The following RANBP2 variants were observed in gnomAD, a reference collection of about 807,000 sequenced individuals.
RANBP2 encodes E3 SUMO-protein ligase RanBP2.
A neutral mutation model predicts 303.6 loss-of-function variants in RANBP2; 57 were observed. The observed-to-expected ratio is 0.19, with a 90% confidence interval of 0.15 to 0.23. The LOEUF is 0.23. Among genes scored for constraint, RANBP2 ranks in the 10% least tolerant of loss-of-function variants. RANBP2 has a pLI of 1.00. For synonymous variants in RANBP2, 1,167 were observed against 1,301.5 expected (o/e 0.90, Z 2.23); for missense variants, 3,138 against 3,780.8 (o/e 0.83, Z 4.46).
Position 108,753,560 on chromosome 2 carries a change from A to G in RANBP2, c.2052A>G (p.Ala684=), listed in dbSNP as rs1201004917. 1.2e-6 allele frequency: 2 copies of G among 1,611,446 alleles called. No individual in the cohort carries two copies. Among genetic ancestry groups the G allele is most frequent in the Non-Finnish European group, 1.7e-6 (2 of 1,179,694 alleles). ...IKSVVSYWNL[A]LIFHRKAEDI... The stretch of plus-strand genomic sequence containing the variant: ...GTGTTGTTTCTTATTGGAATCTTGC[A>G]CTGGTAAGTAGATGCAGTACTTGAG... Residue 684 remains alanine, a synonymous_variant, in exon 14 of 29, where the codon GCA becomes GCG. Transcript: ENST00000283195.
chr2:109,120,991 A>T, the RANBP2 span, among the ~76,000 whole-genome samples: 1 of 152,200 alleles, frequency 6.6e-6, no homozygotes, highest in Admixed American at 6.5e-5. Flanking sequence ...TCACGCCTGT[A>T]ATCCTAGCAC....
At chr2:109,712,939 G>A in the RANBP2 span, among the ~76,000 whole-genome samples, 15 of 152,190 alleles carry the variant, frequency 9.9e-5, no homozygotes, top group Admixed American at 9.2e-4. Flanking sequence ...GCTCTGCTTC[G>A]CTCCCCTGCA....
the RANBP2 span, among the ~76,000 whole-genome samples, chr2:109,023,823 A>C: frequency 3.3e-5 from 5 of 152,218 alleles, no homozygotes; most frequent in East Asian, 9.6e-4. Context: ...CAAACAAACA[A>C]AAACAAACAA....
chr2:109,501,684 C>T, the RANBP2 span: 6 of 750,392 alleles, frequency 8.0e-6, no homozygotes, highest in Non-Finnish European at 1.5e-5. Context: ...ACTGGTGCTC[C>T]CTGCACCCAG....
the RANBP2 span, among the ~76,000 whole-genome samples, chr2:109,117,186 T>A: frequency 6.6e-6 from 1 of 152,218 alleles, no homozygotes; most frequent in Non-Finnish European, 1.5e-5. Flanking sequence ...GACATTTAAG[T>A]CTGCAGAGGT....
the RANBP2 span, among the ~76,000 whole-genome samples, chr2:109,688,968 A>T: frequency 6.8e-6 from 1 of 147,582 alleles, no homozygotes; most frequent in Non-Finnish European, 1.5e-5. Context: ...GTGCAATGGC[A>T]TGATCTCGGC....
chr2:109,414,147 G>C, the RANBP2 span, among the ~76,000 whole-genome samples: 2 of 152,204 alleles, frequency 1.3e-5, no homozygotes, highest in African/African-American at 4.8e-5. Context: ...CCCGCAGATG[G>C]GGCCAGGGCA....
chr2:109,125,222 T>C, the RANBP2 span, among the ~76,000 whole-genome samples: 3 of 152,074 alleles, frequency 2.0e-5, no homozygotes, highest in Non-Finnish European at 4.4e-5. Flanking sequence ...CCCACGTCCC[T>C]CCACCTCCCA....
the RANBP2 span, among the ~76,000 whole-genome samples, chr2:108,997,267 C>G: frequency 6.6e-6 from 1 of 151,690 alleles, no homozygotes; most frequent in African/African-American, 2.4e-5. Context: ...CGGTGAAACC[C>G]CGTCTCTACT....
At chr2:109,554,899 T>G in the RANBP2 span, among the ~76,000 whole-genome samples, 2 of 152,212 alleles carry the variant, frequency 1.3e-5, no homozygotes, top group Non-Finnish European at 2.9e-5. Context: ...TTGGAAATCC[T>G]GAGTCATCTT....
chr2:108,778,316 T>C (rs1171924858), intron 25 of RANBP2, among the ~76,000 whole-genome samples: 1 of 152,224 alleles, frequency 6.6e-6, no homozygotes, highest in East Asian at 1.9e-4. Context: ...TTCACCAAGC[T>C]CTTGTGTATT....
the RANBP2 span, among the ~76,000 whole-genome samples, chr2:109,540,496 C>G: frequency 6.6e-6 from 1 of 152,054 alleles, no homozygotes; most frequent in Non-Finnish European, 1.5e-5. Flanking sequence ...CTCTTCATCT[C>G]TAGCAATGCT....
the RANBP2 span, among the ~76,000 whole-genome samples, chr2:109,433,974 G>A: frequency 3.9e-5 from 6 of 152,230 alleles, no homozygotes; most frequent in African/African-American, 1.4e-4. Flanking sequence ...GTGGTGTGGG[G>A]TGACTTGCCC....
chr2:109,689,376 C>T, the RANBP2 span, among the ~76,000 whole-genome samples: 1 of 152,074 alleles, frequency 6.6e-6, no homozygotes, highest in Admixed American at 6.6e-5. Context: ...ATGTGACATT[C>T]CATAGGCCTC....
chr2:108,719,713 C>A, intron 1 of RANBP2, 35 bp downstream of exon 1: 1 of 1,566,894 alleles, frequency 6.4e-7, no homozygotes, highest in South Asian at 1.2e-5. Flanking sequence ...CGGCCTCGAC[C>A]TGGCCGGGCG....
chr2:109,187,451 G>A, the RANBP2 span, among the ~76,000 whole-genome samples: 2 of 152,044 alleles, frequency 1.3e-5, no homozygotes, highest in African/African-American at 2.4e-5. Context: ...GCATGAAGAC[G>A]TTGCTGTTGT....
At chr2:109,161,720 T>C in the RANBP2 span, among the ~76,000 whole-genome samples, 2 of 151,824 alleles carry the variant, frequency 1.3e-5, no homozygotes, top group Non-Finnish European at 2.9e-5. Context: ...GAGCAGGACA[T>C]GCCAGGCTTT....
At chr2:109,451,537 C>T in the RANBP2 span, among the ~76,000 whole-genome samples, 7 of 151,882 alleles carry the variant, frequency 4.6e-5, no homozygotes, top group Admixed American at 2.6e-4. Flanking sequence ...TATGACATTA[C>T]GTCCTGTACG....
At chr2:109,452,484 A>G in the RANBP2 span, among the ~76,000 whole-genome samples, 36 of 152,342 alleles carry the variant, frequency 2.4e-4, no homozygotes, top group Middle Eastern at 3.4e-3. Context: ...AGTGCAGCGC[A>G]GTTTCCTAGC....
Sources: allele counts gnomAD v4.1 joint callset (sites outside exome capture counted in the v4.1 genomes callset), GRCh38; gene constraint gnomAD v4.1.1; transcripts MANE v1.5; gene names NCBI Gene and HGNC (gene_info 2026-07-23, HGNC 2026-07-21).